Variants in C5orf24 observed in about 807,000 individuals in gnomAD.
C5orf24 encodes chromosome 5 open reading frame 24, also known as UPF0461 protein C5orf24.
In C5orf24, 4 loss-of-function variants were observed where a neutral mutation model predicts 9.8. The ratio of observed to expected loss-of-function variants is 0.41; its 90% CI spans 0.20 to 0.93. The LOEUF is 0.93. C5orf24 is among the 40% of genes least tolerant of loss of function. The probability of loss-of-function intolerance (pLI) is 0.33; values close to 1 mark genes in which losing one functional copy is unlikely to be tolerated. For missense variants in C5orf24, 170 were observed against 236.9 expected (o/e 0.72, Z 1.85); for synonymous variants, 73 against 81.3 (o/e 0.90, Z 0.55).
chr5:134,850,300 C>T (rs1236102592), intron 1 of C5orf24, among the ~76,000 whole-genome samples: 1 of 151,712 alleles, frequency 6.6e-6, no homozygotes, highest in African/African-American at 2.4e-5. Flanking sequence ...AGGCATGTAC[C>T]ACCACGCCCA....
chr5:134,838,739 G>A, the C5orf24 span, among the ~76,000 whole-genome samples: 3 of 151,036 alleles, frequency 2.0e-5, no homozygotes, highest in Admixed American at 2.0e-4. Context: ...GAGGCCAGGA[G>A]TCTGAGACTA....
Position 134,846,102 on chromosome 5 carries a change from C to T in C5orf24, c.-114C>T, listed in dbSNP as rs1479159013. On this transcript the variant is annotated 5_prime_UTR_variant, in exon 1 of 2. Coordinates refer to ENST00000394976, the MANE Select transcript of C5orf24 (RefSeq NM_001135586.1). ...GCCTGCCACTCCGTCTTGGCCCGTT[C>T]TCCGCACCGTGCAGAGGCGGCGGGC... 6.6e-6 allele frequency: 1 copy of T among 152,226 alleles called. No homozygotes were observed. Among genetic ancestry groups the T allele is most frequent in the Non-Finnish European group, 1.5e-5 (1 of 68,066 alleles). The allele number at this position is 152,226 out of a possible 1,614,324, so 9.4% of individuals were successfully genotyped here.
In C5orf24 at chr5:134,856,531, C is replaced by T; in HGVS notation, c.*1064C>T. The T allele has an allele frequency of 1.4e-5, 4 of 293,350 alleles. No homozygotes were observed. Among genetic ancestry groups the T allele is most frequent in the Non-Finnish European group, 2.1e-5 (4 of 186,918 alleles). 18.2% of individuals were successfully genotyped at this position (293,350 alleles called of 1,614,324 possible). ...TGGCGGGCGCCTGTAATCCAAGCTA[C>T]TGGGGAGGCTGAGGCAGGAGAATTG... On this transcript the variant is annotated 3_prime_UTR_variant, in exon 2 of 2. Coordinates refer to ENST00000394976, the MANE Select transcript of C5orf24 (RefSeq NM_001135586.1).
chr5:134,837,034 C>T, the C5orf24 span, among the ~76,000 whole-genome samples: 7 of 151,826 alleles, frequency 4.6e-5, no homozygotes, highest in South Asian at 6.2e-4. Flanking sequence ...AGTGCAATGG[C>T]GCGATCTCAG....
intron 1 of C5orf24, among the ~76,000 whole-genome samples, chr5:134,852,474 C>A (rs945792852): frequency 6.6e-6 from 1 of 152,222 alleles, no homozygotes; most frequent in African/African-American, 2.4e-5. Flanking sequence ...TCTGTGACTT[C>A]ATGCTCATTT....
intron 1 of C5orf24, among the ~76,000 whole-genome samples, chr5:134,850,996 ATT>A (rs2150174210): frequency 1.6e-5 from 2 of 125,774 alleles, no homozygotes; most frequent in African/African-American, 8.1e-5. Flanking sequence ...AAATACATAT[ATT>A]TATTTATTTA....
In C5orf24 at chr5:134,854,958, T is replaced by C. The variant is rs1756268201; in HGVS notation, c.58T>C (p.Cys20Arg). 6.2e-7 allele frequency: 1 copy of C among 1,614,168 alleles called. No homozygotes were observed. Among genetic ancestry groups the C allele is most frequent in the Non-Finnish European group, 8.5e-7 (1 of 1,180,028 alleles). The stretch of plus-strand genomic sequence containing the variant: ...TTTCTGTGGGCCTGGCAAGCCTTCC[T>C]GCCTCAATGAAGATGCCATGAGAGC... ...PAFCGPGKPS[C>R]LNEDAMRAAD... The change falls in exon 2 of 2, where the codon TGC becomes CGC. Residue 20 changes from cysteine to arginine, a missense_variant. Cys to Arg is a radical substitution (Grantham distance 180, BLOSUM62 -3). Coordinates refer to ENST00000394976, the MANE Select transcript of C5orf24 (RefSeq NM_001135586.1).
chr5:134,854,812 GAC>G, intron 1 of C5orf24, 84 bp from the exon 2 acceptor site: 1 of 1,439,104 alleles, frequency 6.9e-7, no homozygotes, highest in South Asian at 1.2e-5. Flanking sequence ...GTTGTTGGAA[GAC>G]AGACTGTTTT....
chr5:134,852,825 T>C lies in C5orf24; in HGVS notation c.-3-2073T>C, dbSNP rs1756193949. Reference sequence around the variant, plus strand: ...GCCAAGGAAGGCGGATCACCTGAGGTTGGGAGTTCAAGACCAGCCTGACCA... The same window carrying C: ...GCCAAGGAAGGCGGATCACCTGAGGCTGGGAGTTCAAGACCAGCCTGACCA... On this transcript the variant is annotated intron_variant, in intron 1 of 1. Transcript: ENST00000394976. 2.0e-5 allele frequency among the ~76,000 whole-genome samples: 3 copies of C among 151,560 alleles called. No individual in the cohort carries two copies. The East Asian group carries it at 5.8e-4, about 29-fold the overall frequency.
the C5orf24 span, among the ~76,000 whole-genome samples, chr5:134,835,096 C>T: frequency 6.6e-6 from 1 of 151,706 alleles, no homozygotes; most frequent in African/African-American, 2.4e-5. Context: ...ATCCCAGCTA[C>T]TCAGGAGGCT....
intron 1 of C5orf24, among the ~76,000 whole-genome samples, chr5:134,850,554 C>T (rs1756129420): frequency 6.6e-6 from 1 of 151,316 alleles, no homozygotes; most frequent in Non-Finnish European, 1.5e-5. Context: ...CTCATTGCAA[C>T]CTCCACCTTC....
chr5:134,836,062 A>G, the C5orf24 span, among the ~76,000 whole-genome samples: 1 of 150,728 alleles, frequency 6.6e-6, no homozygotes, highest in Admixed American at 6.7e-5. Flanking sequence ...TTAAGTAAAT[A>G]TTTTTAAATG....
At chr5:134,835,533 G>T in the C5orf24 span, among the ~76,000 whole-genome samples, 1 of 152,154 alleles carries the variant, frequency 6.6e-6, no homozygotes, top group African/African-American at 2.4e-5. Context: ...TATAATCCCA[G>T]CTACTTGGGA....
chr5:134,840,249 G>C, the C5orf24 span, among the ~76,000 whole-genome samples: 1 of 147,620 alleles, frequency 6.8e-6, no homozygotes, highest in Non-Finnish European at 1.5e-5. Context: ...GGAGGTTGCA[G>C]TGAGTCAAGA....
At chr5:134,841,858 T>G (rs541203552), upstream of C5orf24, among the ~76,000 whole-genome samples, 3 of 152,244 alleles carry the variant, frequency 2.0e-5, no homozygotes, top group African/African-American at 7.2e-5. Context: ...TTATAATATT[T>G]ATAATATATC....
chr5:134,855,686 A>T lies in C5orf24; in HGVS notation c.*219A>T. On this transcript the variant is annotated 3_prime_UTR_variant, in exon 2 of 2. Transcript: ENST00000394976. ...GTATTTGTACATAGGTTCAAGTGTA[A>T]CACCTAACTAAATCATTTTTCCTTT... The T allele has an allele frequency of 7.0e-7, 1 of 1,420,830 alleles. No individual in the cohort carries two copies. The highest frequency in any genetic ancestry group is 2.7e-5 in the East Asian group (1 of 37,496). The allele number at this position is 1,420,830 out of a possible 1,614,324, so 88.0% of individuals were successfully genotyped here.
intron 1 of C5orf24, among the ~76,000 whole-genome samples, chr5:134,847,359 G>A (rs1298481402): frequency 6.6e-6 from 1 of 152,104 alleles, no homozygotes; most frequent in Admixed American, 6.5e-5. Context: ...ACAGTGGCGC[G>A]ATCGCGGCTC....
chr5:134,844,657 A>G (rs1465488254), upstream of C5orf24, among the ~76,000 whole-genome samples: 1 of 152,026 alleles, frequency 6.6e-6, no homozygotes, highest in Non-Finnish European at 1.5e-5. Context: ...GAATCATGTT[A>G]TGAATCTCCG....
chr5:134,840,591 T>A, the C5orf24 span, among the ~76,000 whole-genome samples: 2 of 152,068 alleles, frequency 1.3e-5, no homozygotes, highest in African/African-American at 4.8e-5. Context: ...TGAAGTACAG[T>A]CACGTGATTA....
Sources: gnomAD v4.1 joint callset for allele counts (sites outside exome capture counted in the v4.1 genomes callset) on GRCh38, gnomAD v4.1.1 for gene constraint, MANE v1.5 for transcripts, NCBI Gene and HGNC (gene_info 2026-07-23, HGNC 2026-07-21) for gene names.